VCPKMT: variants seen among roughly 807,000 people sequenced by gnomAD.
The protein encoded by VCPKMT is valosin containing protein lysine methyltransferase.
Under a neutral mutation model 28.6 loss-of-function variants are expected in VCPKMT, and 32 were observed. The observed-to-expected ratio is 1.12, with a 90% confidence interval of 0.84 to 1.50. The LOEUF (loss-of-function observed/expected upper bound fraction) is 1.50. Ranked by LOEUF, VCPKMT falls within the 40% of genes most tolerant of loss-of-function variation. VCPKMT has a pLI of 0.00. For missense variants in VCPKMT, 366 were observed against 285.0 expected, an observed-to-expected ratio of 1.28 and a Z score of -2.05; for synonymous variants, 138 against 111.4, an observed-to-expected ratio of 1.24 and a Z score of -1.50.
At chr14:50,104,454 T>C (rs1223088790), downstream of VCPKMT, among the ~76,000 whole-genome samples, 1 of 152,220 alleles carries the variant, frequency 6.6e-6, no homozygotes, top group Non-Finnish European at 1.5e-5. Flanking sequence ...CAGTAAGATA[T>C]CGTTGCAACA....
At chr14:50,109,797 T>C in intron 5 of VCPKMT, 84 bp from the exon 6 acceptor site, 12 of 1,463,848 alleles carry the variant, frequency 8.2e-6, no homozygotes, top group South Asian at 1.3e-5. Flanking sequence ...ATATGCCTCA[T>C]AATGCCTAGT....
chr14:50,104,997 CCT>C (rs1443974994), downstream of VCPKMT, among the ~76,000 whole-genome samples: 1 of 151,872 alleles, frequency 6.6e-6, no homozygotes, highest in Non-Finnish European at 1.5e-5. Flanking sequence ...TTTTACTTAC[CCT>C]GTGTTATCTT....
chr14:50,114,488 T>C (rs1882961928), intron 3 of VCPKMT, 84 bp from the exon 4 acceptor site: 1 of 900,148 alleles, frequency 1.1e-6, no homozygotes, highest in South Asian at 2.8e-5. Context: ...CAGGGGTATT[T>C]ATAGCTCCCC....
At chr14:50,107,630 A>C (rs1882376930), downstream of VCPKMT, among the ~76,000 whole-genome samples, 1 of 152,154 alleles carries the variant, frequency 6.6e-6, no homozygotes, top group South Asian at 2.1e-4. Context: ...TTTCCTCTAC[A>C]GTCAGTACTT....
At chr14:50,114,452 T>A (rs1409323022) in intron 3 of VCPKMT, 48 bp from the exon 4 acceptor site, 8 of 1,354,306 alleles carry the variant, frequency 5.9e-6, no homozygotes, top group Non-Finnish European at 7.8e-6. Context: ...AAAATTTTTC[T>A]ACTCTAAAAG....
intron 4 of VCPKMT, among the ~76,000 whole-genome samples, chr14:50,112,966 T>G (rs1299244857): frequency 2.0e-5 from 3 of 152,146 alleles, no homozygotes; most frequent in Non-Finnish European, 4.4e-5. Flanking sequence ...TTTTGTATTT[T>G]TAGTAAAGAA....
In VCPKMT at chr14:50,115,920, T is replaced by A; in HGVS notation, c.378-9A>T. ...CTTCTATTTCTTCCCCCCTTAAAAATGCCAAACAAATATTTCAATTGTTTT... is the reference window on the plus strand; with the variant it reads ...CTTCTATTTCTTCCCCCCTTAAAAAAGCCAAACAAATATTTCAATTGTTTT... On this transcript the variant is annotated splice_polypyrimidine_tract_variant and intron_variant, in intron 2 of 5. Coordinates refer to ENST00000395860, the MANE Select transcript of VCPKMT (RefSeq NM_024558.3). 6.2e-7 allele frequency: 1 copy of A among 1,613,072 alleles called. No homozygotes were observed. The highest frequency in any genetic ancestry group is 8.5e-7 in the Non-Finnish European group (1 of 1,179,206).
rs61233901 is a variant in VCPKMT, at chr14:50,113,794, CGGGGGGG to C, written c.570+484_570+490del. Among the ~76,000 whole-genome samples the C allele has an allele frequency of 4.8e-4, 4 of 8,342 alleles. 2 individuals carry two copies. Among genetic ancestry groups the C allele is most frequent in the Non-Finnish European group, 7.0e-4 (2 of 2,862 alleles). The allele number at this position is 8,342 out of a possible 152,430, so 5.5% of individuals were successfully genotyped here. A position where few individuals can be genotyped will look rare whatever the true frequency, so the allele number is the denominator to read the frequency against. ...GCCTATAGTCCCACTTACTTGGGGG[CGGGGGGG>C]GGGGGGGGTGACACTGAGGCAGGAG... On this transcript the variant is annotated intron_variant, in intron 4 of 5. Transcript: ENST00000395860.
intron 5 of VCPKMT, chr14:50,111,801 A>T: frequency 1.4e-6 from 1 of 712,130 alleles, no homozygotes; most frequent in Non-Finnish European, 1.7e-6. Flanking sequence ...TGGGAGGATC[A>T]CTTCTTGAGC....
At position 50,108,991 on chromosome 14, in the gene VCPKMT, A is replaced by C. The variant is rs936763431; in HGVS notation, c.*708T>G. 52 of 985,338 alleles carry C rather than the reference A, an allele frequency of 5.3e-5. No individual in the cohort carries two copies. Among genetic ancestry groups the C allele is most frequent in the Non-Finnish European group, 5.8e-5 (48 of 829,948 alleles). 61.0% of individuals were successfully genotyped at this position (985,338 alleles called of 1,614,324 possible). ...GTCTTTCTATTCTCACTCCATGCTC[A>C]AATGAAAAATCTGTAAAGATATCTT... On this transcript the variant is annotated 3_prime_UTR_variant, in exon 6 of 6. Coordinates refer to ENST00000395860, the MANE Select transcript of VCPKMT (RefSeq NM_024558.3).
At chr14:50,106,736 G>A, downstream of VCPKMT, 1 of 681,902 alleles carries the variant, frequency 1.5e-6, no homozygotes, top group Non-Finnish European at 1.8e-6. Context: ...TTGTTTTTTT[G>A]AGATAGGGTC....
chr14:50,112,019 C>T (rs1222217205), intron 5 of VCPKMT: 1 of 985,064 alleles, frequency 1.0e-6, no homozygotes, highest in Non-Finnish European at 1.2e-6. Context: ...CGGGAAAATA[C>T]ATAAATTCTA....
At chr14:50,105,697 C>G (rs1882296328), downstream of VCPKMT, among the ~76,000 whole-genome samples, 1 of 151,962 alleles carries the variant, frequency 6.6e-6, no homozygotes, top group Non-Finnish European at 1.5e-5. Flanking sequence ...ATCCATGGAC[C>G]CTTGGTTATA....
intron 5 of VCPKMT, 81 bp from the exon 6 acceptor site, chr14:50,109,794 T>C: frequency 1.4e-6 from 2 of 1,480,540 alleles, no homozygotes; most frequent in Non-Finnish European, 9.1e-7. Context: ...CTAATATGCC[T>C]CATAATGCCT....
At chr14:50,111,483 G>C (rs1882655166) in intron 5 of VCPKMT, 11 of 985,364 alleles carry the variant, frequency 1.1e-5, no homozygotes, top group Non-Finnish European at 1.1e-5. Context: ...AAAGATGATA[G>C]AAAAAGTGTG....
chr14:50,108,931 T>G lies in VCPKMT; in HGVS notation c.*768A>C. On this transcript the variant is annotated 3_prime_UTR_variant, in exon 6 of 6. Coordinates refer to ENST00000395860, the MANE Select transcript of VCPKMT (RefSeq NM_024558.3). Reference sequence around the variant, plus strand: ...ATTTTCCTGGAACATATACATAAAGTGCATGAGCCACGTAAGTGCATAAGC... The same window carrying G: ...ATTTTCCTGGAACATATACATAAAGGGCATGAGCCACGTAAGTGCATAAGC... 1 of 985,456 alleles carries G rather than the reference T, an allele frequency of 1.0e-6. No homozygotes were observed. Among genetic ancestry groups the G allele is most frequent in the Non-Finnish European group, 1.2e-6 (1 of 829,930 alleles). 61.0% of individuals were successfully genotyped at this position (985,456 alleles called of 1,614,324 possible).
intron 1 of VCPKMT, 32 bp downstream of exon 1, chr14:50,116,255 C>G: frequency 6.2e-7 from 1 of 1,608,358 alleles, no homozygotes; most frequent in Non-Finnish European, 8.5e-7. Context: ...CAAGAAGGCG[C>G]CCCCACATCC....
chr14:50,107,057 T>C (rs1276268140), downstream of VCPKMT, among the ~76,000 whole-genome samples: 2 of 152,226 alleles, frequency 1.3e-5, no homozygotes, highest in African/African-American at 2.4e-5. Flanking sequence ...CAACTTGTTA[T>C]CTCTCCACAT....
chr14:50,105,446 C>T (rs1413427811), downstream of VCPKMT, among the ~76,000 whole-genome samples: 1 of 152,128 alleles, frequency 6.6e-6, no homozygotes, highest in Non-Finnish European at 1.5e-5. Context: ...GCTTGACCAA[C>T]ATGGTGAAAC....
Sources: allele counts gnomAD v4.1 joint callset (sites outside exome capture counted in the v4.1 genomes callset), GRCh38; gene constraint gnomAD v4.1.1; transcripts MANE v1.5; gene names NCBI Gene and HGNC (gene_info 2026-07-23, HGNC 2026-07-21).